The following CLVS1 variants were observed in gnomAD, a reference collection of about 807,000 sequenced individuals.
CLVS1 encodes clavesin-1.
Under a neutral mutation model 33.1 loss-of-function variants are expected in CLVS1, and 10 were observed. The ratio of observed to expected loss-of-function variants is 0.30; its 90% CI spans 0.19 to 0.51. The LOEUF is 0.51. Among genes scored for constraint, CLVS1 ranks in the 20% least tolerant of loss-of-function variants. The pLI, the probability that CLVS1 is intolerant of heterozygous loss-of-function variation, is 0.97. For synonymous variants in CLVS1, 163 were observed against 166.1 expected, an observed-to-expected ratio of 0.98 and a Z score of 0.14; for missense variants, 343 against 433.4, an observed-to-expected ratio of 0.79 and a Z score of 1.85.
chr8:61,149,844 G>A (rs918779833), intron 2 of CLVS1, among the ~76,000 whole-genome samples: 3 of 152,102 alleles, frequency 2.0e-5, no homozygotes, highest in Admixed American at 2.0e-4. Flanking sequence ...CTGACCTTGA[G>A]ATTAAGCTAA....
chr8:61,428,624 C>T (rs1815987076), intron 3 of CLVS1, among the ~76,000 whole-genome samples: 1 of 152,184 alleles, frequency 6.6e-6, no homozygotes, highest in Admixed American at 6.5e-5. Flanking sequence ...GCACATTCCT[C>T]CCCTTACAGC....
chr8:61,161,491 T>C (rs1160305407), intron 2 of CLVS1, among the ~76,000 whole-genome samples: 1 of 152,208 alleles, frequency 6.6e-6, no homozygotes, highest in Admixed American at 6.5e-5. Flanking sequence ...AATTCCGTCA[T>C]TTTTGAAAAC....
chr8:61,313,350 G>C (rs1279329793), intron 2 of CLVS1, among the ~76,000 whole-genome samples: 1 of 152,194 alleles, frequency 6.6e-6, no homozygotes, highest in East Asian at 1.9e-4. Context: ...AGTGAGCACA[G>C]AAAATAAGGA....
chr8:61,165,907 C>T (rs1806852778), intron 2 of CLVS1, among the ~76,000 whole-genome samples: 1 of 152,034 alleles, frequency 6.6e-6, no homozygotes, highest in Admixed American at 6.6e-5. Context: ...TCTGATTTTC[C>T]ATCAATGGAA....
chr8:60,981,898 G>T, the CLVS1 span, among the ~76,000 whole-genome samples: 1 of 152,250 alleles, frequency 6.6e-6, no homozygotes, highest in Non-Finnish European at 1.5e-5. Flanking sequence ...GGGGTGTCAG[G>T]CTGACTGTGA....
chr8:61,214,185 A>G (rs371944105), intron 2 of CLVS1, among the ~76,000 whole-genome samples: 1 of 152,142 alleles, frequency 6.6e-6, no homozygotes, highest in Non-Finnish European at 1.5e-5. Context: ...TTTTAATTTC[A>G]CCTCGGTCCT....
intron 2 of CLVS1, among the ~76,000 whole-genome samples, chr8:61,215,158 T>C (rs1191393900): frequency 6.6e-6 from 1 of 152,200 alleles, no homozygotes; most frequent in African/African-American, 2.4e-5. Context: ...AGGGATGGGA[T>C]AATGTTTTGG....
rs1470530429 is a variant in CLVS1 at position 61,387,842 on chromosome 8, T to C, written c.630+11063T>C. ...TTCTGTGGTTGAGTATTCCATGGTA[T>C]ACATATATCACATTTTCTTTATCCA... is the stretch of plus-strand genomic sequence containing the variant. On this transcript the variant is annotated intron_variant, in intron 3 of 5. Transcript: ENST00000325897. 5.3e-5 allele frequency among the ~76,000 whole-genome samples: 8 copies of C among 152,214 alleles called. No homozygotes were observed. In the East Asian group the frequency reaches 1.5e-3, roughly 29 times the overall value.
chr8:61,290,645 G>A (rs543791984), intron 1 of CLVS1, among the ~76,000 whole-genome samples: 2 of 152,120 alleles, frequency 1.3e-5, no homozygotes, highest in South Asian at 2.1e-4. Context: ...ACAACTTGAC[G>A]TACTCCCTGA....
chr8:61,472,668 T>G (rs1450468933), intron 5 of CLVS1, among the ~76,000 whole-genome samples: 1 of 152,168 alleles, frequency 6.6e-6, no homozygotes, highest in Non-Finnish European at 1.5e-5. Flanking sequence ...TTTAAAAATT[T>G]TATTCATTCA....
intron 3 of CLVS1, among the ~76,000 whole-genome samples, chr8:61,431,012 G>A (rs899102196): frequency 2.8e-4 from 43 of 152,122 alleles, no homozygotes; most frequent in African/African-American, 6.3e-4. Context: ...TACTAAACTC[G>A]CATGCTTGCT....
intron 2 of CLVS1, among the ~76,000 whole-genome samples, chr8:61,317,612 C>T (rs550015617): frequency 2.0e-5 from 3 of 152,128 alleles, no homozygotes; most frequent in African/African-American, 4.8e-5. Context: ...TCCTTAGCAC[C>T]GCTGTTGGTC....
chr8:61,278,241 A>C (rs1711524726), intron 2 of CLVS1, among the ~76,000 whole-genome samples: 1 of 152,228 alleles, frequency 6.6e-6, no homozygotes, highest in Non-Finnish European at 1.5e-5. Context: ...GGTGAGCAAA[A>C]ACAGAAGGCC....
At chr8:61,349,573 G>GT (rs751460859) in intron 2 of CLVS1, among the ~76,000 whole-genome samples, 57 of 151,820 alleles carry the variant, frequency 3.8e-4, no homozygotes, top group Non-Finnish European at 6.9e-4. Context: ...TACCAGGAAG[G>GT]TTTTTTTGTT....
chr8:61,010,356 C>A, the CLVS1 span, among the ~76,000 whole-genome samples: 1 of 152,222 alleles, frequency 6.6e-6, no homozygotes, highest in South Asian at 2.1e-4. Context: ...AAATACAGGA[C>A]AACCGGATGC....
intron 2 of CLVS1, among the ~76,000 whole-genome samples, chr8:61,245,532 A>ATGTCAG (rs1294784403): frequency 2.0e-5 from 3 of 151,836 alleles, no homozygotes; most frequent in Non-Finnish European, 4.4e-5. Flanking sequence ...TTTAACATTA[A>ATGTCAG]ATCTGACATC....
At chr8:61,132,690 C>T (rs113849053) in intron 2 of CLVS1, among the ~76,000 whole-genome samples, 73 of 152,308 alleles carry the variant, frequency 4.8e-4, no homozygotes, top group African/African-American at 1.7e-3. Flanking sequence ...GACGAGGCTT[C>T]CGCATGAAGC....
chr8:61,063,206 C>A (rs1248840425), intron 1 of CLVS1, among the ~76,000 whole-genome samples: 1 of 146,000 alleles, frequency 6.8e-6, no homozygotes, highest in African/African-American at 2.6e-5. Flanking sequence ...TAAACGAGTG[C>A]ATTGAATGTT....
chr8:61,151,924 A>C (rs1317587843), intron 2 of CLVS1, among the ~76,000 whole-genome samples: 1 of 152,122 alleles, frequency 6.6e-6, no homozygotes, highest in Non-Finnish European at 1.5e-5. Flanking sequence ...GCTTTAGAGG[A>C]AGGCAGACGT....
Sources: gnomAD v4.1 joint callset for allele counts (sites outside exome capture counted in the v4.1 genomes callset) on GRCh38, gnomAD v4.1.1 for gene constraint, MANE v1.5 for transcripts, NCBI Gene and HGNC (gene_info 2026-07-23, HGNC 2026-07-21) for gene names.